Variants in PTPRN2 observed in about 807,000 individuals in gnomAD.
The protein encoded by PTPRN2 is protein tyrosine phosphatase receptor type N2, also known as receptor-type tyrosine-protein phosphatase N2.
A neutral mutation model predicts 118.8 loss-of-function variants in PTPRN2; 74 were observed. The ratio of observed to expected loss-of-function variants is 0.62; its 90% confidence interval spans 0.52 to 0.76. The LOEUF (loss-of-function observed/expected upper bound fraction) is 0.76, where lower values mean the gene tolerates loss of function less well. PTPRN2 is among the 30% of genes least tolerant of loss of function. The pLI is 0.00. For missense variants in PTPRN2, 1,481 were observed against 1,394.4 expected (o/e 1.06, Z -0.99); for synonymous variants, 641 against 608.0 (o/e 1.05, Z -0.80).
intron 15 of PTPRN2, among the ~76,000 whole-genome samples, chr7:157,612,844 G>T (rs1802454323): frequency 6.6e-6 from 1 of 152,214 alleles, no homozygotes. Context: ...CAGAGGCGCT[G>T]GGGTGAAGCG....
At chr7:157,807,596 G>C (rs528200214) in intron 12 of PTPRN2, among the ~76,000 whole-genome samples, 4 of 152,228 alleles carry the variant, frequency 2.6e-5, no homozygotes, top group Non-Finnish European at 4.4e-5. Context: ...TATTTCTACT[G>C]TTTGCCTGGC....
chr7:158,133,328 G>T (rs894696504), intron 9 of PTPRN2, among the ~76,000 whole-genome samples: 3 of 152,168 alleles, frequency 2.0e-5, no homozygotes, highest in African/African-American at 7.2e-5. Flanking sequence ...ACCCCACCCT[G>T]CCTGGCCGCC....
At position 157,775,979 on chromosome 7, in the gene PTPRN2, C is replaced by CG. The variant is rs546959295; in HGVS notation, c.1789-93043dup. ...GAGGTGTGCATAGGTGGGCTGGGCC[C>CG]GGGGGGATAGCCGCAGCCAGCTGTG... On this transcript the variant is annotated intron_variant, in intron 12 of 22. Transcript: ENST00000389418. Among the ~76,000 whole-genome samples, 303 of 152,048 alleles carry CG rather than the reference C, an allele frequency of 2.0e-3. 3 individuals carry two copies. The highest frequency in any genetic ancestry group is 6.9e-3 in the African/African-American group (287 of 41,442).
chr7:158,094,816 CCT>C (rs1358139985), intron 10 of PTPRN2, among the ~76,000 whole-genome samples: 9 of 152,194 alleles, frequency 5.9e-5, no homozygotes, highest in East Asian at 5.8e-4. Context: ...AACTCCTCCC[CCT>C]GAGTGTTCCT....
chr7:157,730,038 G>GA (rs1271128956), intron 12 of PTPRN2, among the ~76,000 whole-genome samples: 1 of 152,182 alleles, frequency 6.6e-6, no homozygotes, highest in Non-Finnish European at 1.5e-5. Flanking sequence ...AAGATTTAGA[G>GA]AAAATGATTT....
At chr7:157,651,947 T>G (rs1805691854) in intron 14 of PTPRN2, among the ~76,000 whole-genome samples, 1 of 152,198 alleles carries the variant, frequency 6.6e-6, no homozygotes, top group Non-Finnish European at 1.5e-5. Context: ...GAGCCTCGAC[T>G]CAGCTTCTTC....
chr7:157,947,781 C>G (rs6969220), intron 11 of PTPRN2, among the ~76,000 whole-genome samples: 46,594 of 152,148 alleles, frequency 0.31, 8,881 homozygotes, highest in Non-Finnish European at 0.44. Context: ...CATCAAAAGC[C>G]AAAGACAGAA....
intron 10 of PTPRN2, among the ~76,000 whole-genome samples, chr7:158,098,346 G>C (rs564025859): frequency 6.6e-6 from 1 of 152,240 alleles, no homozygotes; most frequent in Non-Finnish European, 1.5e-5. Context: ...CCAGATTCCC[G>C]AAGGCTCCGA....
At chr7:157,777,708 A>G (rs1190507913) in intron 12 of PTPRN2, among the ~76,000 whole-genome samples, 1 of 152,248 alleles carries the variant, frequency 6.6e-6, no homozygotes, top group Non-Finnish European at 1.5e-5. Context: ...GACATAATTC[A>G]GCGAACTTCA....
intron 12 of PTPRN2, among the ~76,000 whole-genome samples, chr7:157,824,288 G>T (rs930618108): frequency 3.9e-5 from 6 of 152,232 alleles, no homozygotes; most frequent in Non-Finnish European, 8.8e-5. Context: ...TCCTCCTAGG[G>T]CAGGGGGCGA....
intron 11 of PTPRN2, among the ~76,000 whole-genome samples, chr7:157,975,639 G>T (rs775536187): frequency 6.6e-6 from 1 of 152,196 alleles, no homozygotes; most frequent in Non-Finnish European, 1.5e-5. Flanking sequence ...GATGAGGCCA[G>T]CCCTTGGTGC....
At chr7:157,750,944 G>T (rs546098256) in intron 12 of PTPRN2, among the ~76,000 whole-genome samples, 1 of 152,236 alleles carries the variant, frequency 6.6e-6, no homozygotes, top group Non-Finnish European at 1.5e-5. Context: ...GCCAGGGCTC[G>T]CTGGTAGGCC....
chr7:157,940,075 T>C (rs1013449427), intron 11 of PTPRN2, among the ~76,000 whole-genome samples: 16 of 152,234 alleles, frequency 1.1e-4, no homozygotes, highest in Non-Finnish European at 1.6e-4. Flanking sequence ...GAGGCCCCCG[T>C]TGGTATGACC....
chr7:158,053,657 C>CT (rs1809499336), intron 11 of PTPRN2, among the ~76,000 whole-genome samples: 2 of 152,102 alleles, frequency 1.3e-5, no homozygotes, highest in African/African-American at 4.8e-5. Context: ...CCCGAAGCTG[C>CT]TTGTAAATAA....
At chr7:158,569,471 A>G (rs1827849759) in intron 1 of PTPRN2, among the ~76,000 whole-genome samples, 1 of 152,248 alleles carries the variant, frequency 6.6e-6, no homozygotes, top group African/African-American at 2.4e-5. Context: ...CAGCGGAGGA[A>G]GGCTAGGAGC....
At chr7:158,145,437 G>A (rs1030462232) in intron 6 of PTPRN2, among the ~76,000 whole-genome samples, 1 of 152,256 alleles carries the variant, frequency 6.6e-6, no homozygotes, top group African/African-American at 2.4e-5. Context: ...TCAACCATAT[G>A]AACAGCCTAC....
intron 9 of PTPRN2, among the ~76,000 whole-genome samples, chr7:158,130,347 T>C (rs1818071081): frequency 1.3e-5 from 2 of 152,066 alleles, no homozygotes. Context: ...GATACACATC[T>C]ACCCGACACA....
chr7:158,520,555 A>G (rs969597942), intron 1 of PTPRN2, among the ~76,000 whole-genome samples: 1 of 152,236 alleles, frequency 6.6e-6, no homozygotes, highest in Non-Finnish European at 1.5e-5. Context: ...CAGGATCTCC[A>G]GAGAAGGCTC....
At chr7:157,950,290 C>A (rs1271536401) in intron 11 of PTPRN2, among the ~76,000 whole-genome samples, 1 of 152,196 alleles carries the variant, frequency 6.6e-6, no homozygotes, top group East Asian at 1.9e-4. Context: ...AAATACAAAC[C>A]CGCAGGCGTT....
Sources: allele counts gnomAD v4.1 joint callset (sites outside exome capture counted in the v4.1 genomes callset), GRCh38; gene constraint gnomAD v4.1.1; transcripts MANE v1.5; gene names NCBI Gene and HGNC (gene_info 2026-07-23, HGNC 2026-07-21).